SERINC5: variants seen among roughly 807,000 people sequenced by gnomAD.
SERINC5 encodes serine incorporator 5, also known as chromosome 5 open reading frame 12.
In SERINC5, 41 loss-of-function variants were observed where a neutral mutation model predicts 63.1. That is an observed-to-expected ratio of 0.65 (90% CI 0.51 to 0.84). The LOEUF (loss-of-function observed/expected upper bound fraction) is 0.84, where lower values mean the gene tolerates loss of function less well. SERINC5 is among the 40% of genes least tolerant of loss of function. SERINC5 has a pLI of 0.00. For missense variants in SERINC5, 523 were observed against 573.0 expected (o/e 0.91, Z 0.89); for synonymous variants, 222 against 215.2 (o/e 1.03, Z -0.28).
intron 2 of SERINC5, among the ~76,000 whole-genome samples, chr5:80,179,196 G>A (rs533601120): frequency 1.6e-3 from 247 of 152,252 alleles, no homozygotes; most frequent in African/African-American, 5.7e-3. Context: ...CTACTAGGGA[G>A]GCTGAGGCAG....
At chr5:80,213,727 A>C (rs554408927) in intron 1 of SERINC5, among the ~76,000 whole-genome samples, 2 of 152,218 alleles carry the variant, frequency 1.3e-5, no homozygotes, top group South Asian at 2.1e-4. Flanking sequence ...GGCTTCTTCT[A>C]GTGTCTTGCC....
intron 1 of SERINC5, among the ~76,000 whole-genome samples, chr5:80,227,124 G>C (rs1751205111): frequency 1.3e-5 from 2 of 152,162 alleles, no homozygotes; most frequent in South Asian, 2.1e-4. Context: ...TTGAACTCCT[G>C]ACCTAAGGTG....
chr5:80,221,564 T>C (rs577121979), intron 1 of SERINC5, among the ~76,000 whole-genome samples: 3 of 152,364 alleles, frequency 2.0e-5, no homozygotes, highest in African/African-American at 7.2e-5. Flanking sequence ...GGATGTTAGA[T>C]GGCCTTTGTT....
At chr5:80,219,059 A>G (rs1750790062) in intron 1 of SERINC5, among the ~76,000 whole-genome samples, 1 of 152,244 alleles carries the variant, frequency 6.6e-6, no homozygotes, top group Non-Finnish European at 1.5e-5. Flanking sequence ...TTTCACATAA[A>G]TACATAAATT....
At chr5:80,163,479 T>C (rs1335687190) in intron 7 of SERINC5, among the ~76,000 whole-genome samples, 1 of 152,114 alleles carries the variant, frequency 6.6e-6, no homozygotes, top group African/African-American at 2.4e-5. Context: ...GCTTATCATA[T>C]ATGACCTTTA....
At chr5:80,161,151 C>T (rs192258711) in intron 7 of SERINC5, among the ~76,000 whole-genome samples, 1 of 151,936 alleles carries the variant, frequency 6.6e-6, no homozygotes, top group East Asian at 1.9e-4. Context: ...AACAGTGCTG[C>T]GATAAACACA....
chr5:80,256,031 G>T lies in SERINC5; in HGVS notation c.-109C>A. ...GCTCAGCCGCAGCTCACACTTGAACGAAGATCAGCCTCGGCGAAGCGCCTA... is the reference window on the plus strand; with the variant it reads ...GCTCAGCCGCAGCTCACACTTGAACTAAGATCAGCCTCGGCGAAGCGCCTA... On this transcript the variant is annotated 5_prime_UTR_variant, in exon 1 of 12. Coordinates refer to ENST00000507668, the MANE Select transcript of SERINC5 (RefSeq NM_001174072.3). 1 of 1,181,348 alleles carries T rather than the reference G, an allele frequency of 8.5e-7. No homozygotes were observed. The highest frequency in any genetic ancestry group is 1.1e-6 in the Non-Finnish European group (1 of 888,914). The allele number at this position is 1,181,348 out of a possible 1,614,324, so 73.2% of individuals were successfully genotyped here. A position where few individuals can be genotyped will look rare whatever the true frequency, so the allele number is the denominator to read the frequency against.
At chr5:80,246,368 T>TA (rs987069964) in intron 1 of SERINC5, among the ~76,000 whole-genome samples, 5 of 152,302 alleles carry the variant, frequency 3.3e-5, no homozygotes, top group South Asian at 2.1e-4. Context: ...AGCTAGTTTA[T>TA]AAAAAAATGA....
chr5:80,227,606 C>CAA (rs74441331), intron 1 of SERINC5, among the ~76,000 whole-genome samples: 2,121 of 102,706 alleles, frequency 0.021, 59 homozygotes, highest in African/African-American at 0.083. Flanking sequence ...ACTAAAAATA[C>CAA]AAAAAAAAAA....
At chr5:80,130,718 C>T (rs965411953) in intron 11 of SERINC5, among the ~76,000 whole-genome samples, 1 of 152,208 alleles carries the variant, frequency 6.6e-6, no homozygotes, top group Non-Finnish European at 1.5e-5. Flanking sequence ...TCACAAGGCA[C>T]TACGATGTCT....
At chr5:80,198,767 G>A in intron 2 of SERINC5, 1 of 936,166 alleles carries the variant, frequency 1.1e-6, no homozygotes, top group Non-Finnish European at 1.3e-6. Flanking sequence ...GTGGCCAGAT[G>A]GCCAGCTCCC....
At chr5:80,232,406 A>G (rs6895616) in intron 1 of SERINC5, among the ~76,000 whole-genome samples, 2,273 of 90,522 alleles carry the variant, frequency 0.025, 34 homozygotes, top group Middle Eastern at 0.074. Flanking sequence ...TCTGTCTCAA[A>G]GAAAAAAAAA....
intron 1 of SERINC5, among the ~76,000 whole-genome samples, chr5:80,249,759 G>C (rs191299410): frequency 6.6e-6 from 1 of 151,566 alleles, no homozygotes; most frequent in African/African-American, 2.4e-5. Context: ...CCAAGATCAC[G>C]CCATTGCACT....
intron 9 of SERINC5, among the ~76,000 whole-genome samples, chr5:80,149,731 C>G (rs1234749793): frequency 6.6e-6 from 1 of 152,212 alleles, no homozygotes; most frequent in African/African-American, 2.4e-5. Context: ...TAGCACGTCA[C>G]TGGGTTTTTA....
At chr5:80,169,269 C>T in intron 6 of SERINC5, 66 bp downstream of exon 6, 2 of 1,345,930 alleles carry the variant, frequency 1.5e-6, no homozygotes, top group Non-Finnish European at 2.1e-6. Flanking sequence ...CAAAAAAAGC[C>T]ATTGGGTTTG....
chr5:80,204,375 T>A (rs1750046442), intron 1 of SERINC5, among the ~76,000 whole-genome samples: 2 of 152,182 alleles, frequency 1.3e-5, no homozygotes, highest in Admixed American at 1.3e-4. Flanking sequence ...CAGAATTGAA[T>A]TAAATTGTGG....
At chr5:80,217,573 C>T (rs547337569) in intron 1 of SERINC5, among the ~76,000 whole-genome samples, 28 of 152,328 alleles carry the variant, frequency 1.8e-4, no homozygotes, top group African/African-American at 6.3e-4. Context: ...GTGAGCTCTT[C>T]TCCCCACCAA....
intron 11 of SERINC5, among the ~76,000 whole-genome samples, chr5:80,114,806 G>A (rs1235278575): frequency 6.6e-6 from 1 of 151,952 alleles, no homozygotes; most frequent in East Asian, 1.9e-4. Flanking sequence ...TTTGGGTGGG[G>A]ACACAGGGCC....
chr5:80,181,425 T>TGTGTGTGTGTGTGTGTGTGTGTGTGG (rs1748416807), intron 2 of SERINC5, among the ~76,000 whole-genome samples: 1 of 135,142 alleles, frequency 7.4e-6, no homozygotes, highest in Admixed American at 7.3e-5. Flanking sequence ...TTTGTGTGTG[T>TGTGTGTGTGTGTGTGTGTGTGTGTGG]GTGTGTGTGT....
Sources: gnomAD v4.1 joint callset for allele counts (sites outside exome capture counted in the v4.1 genomes callset) on GRCh38, gnomAD v4.1.1 for gene constraint, MANE v1.5 for transcripts, NCBI Gene and HGNC (gene_info 2026-07-23, HGNC 2026-07-21) for gene names.